The following SPHKAP variants were observed in gnomAD, a reference collection of about 807,000 sequenced individuals.
The protein encoded by SPHKAP is A-kinase anchor protein SPHKAP.
A neutral mutation model predicts 137.5 loss-of-function variants in SPHKAP; 67 were observed. That is an observed-to-expected ratio of 0.49 (90% CI 0.40 to 0.60). The LOEUF (loss-of-function observed/expected upper bound fraction) is 0.60. SPHKAP is among the 20% of genes least tolerant of loss of function. SPHKAP has a pLI of 0.00. For synonymous variants in SPHKAP, 813 were observed against 785.3 expected, an observed-to-expected ratio of 1.04 and a Z score of -0.59; for missense variants, 2,097 against 2,069.3, an observed-to-expected ratio of 1.01 and a Z score of -0.26.
Position 228,018,550 on chromosome 2 carries a change from G to A in SPHKAP, c.2304C>T (p.Ser768=). The part of the protein sequence containing the change: ...ASQAWTKATE[S]SSSSPLSNSH... Reference sequence around the variant, plus strand: ...AATTGCTAAGTGGAGAGCTGCTGGAGGATTCAGTGGCTTTTGTCCAAGCTT... The same window carrying A: ...AATTGCTAAGTGGAGAGCTGCTGGAAGATTCAGTGGCTTTTGTCCAAGCTT... The change falls in exon 7 of 12, where the codon TCC becomes TCT. Residue 768 remains serine (S), a synonymous_variant. Coordinates refer to ENST00000392056, the MANE Select transcript of SPHKAP (RefSeq NM_001142644.2). 1 of 1,613,938 alleles carries A rather than the reference G, an allele frequency of 6.2e-7. No individual in the cohort carries two copies. The highest frequency in any genetic ancestry group is 8.5e-7 in the Non-Finnish European group (1 of 1,179,878).
Position 228,181,493 on chromosome 2 carries a change from G to T in SPHKAP, c.32+74C>A. 6.2e-7 allele frequency: 1 copy of T among 1,609,308 alleles called. No individual in the cohort carries two copies. Among genetic ancestry groups the T allele is most frequent in the South Asian group, 1.1e-5 (1 of 90,960 alleles). On this transcript the variant is annotated intron_variant, in intron 1 of 11. Coordinates refer to ENST00000392056, the MANE Select transcript of SPHKAP (RefSeq NM_001142644.2). This position sits in a 1 kb window ranked among gnomAD's most constrained non-coding sequence, Gnocchi z 4.3. ...TGCAAACCGAAGCGCTCTGGGGCAAGTTGGTGAGCGACTCACAACGCGGAA... is the reference window on the plus strand; with the variant it reads ...TGCAAACCGAAGCGCTCTGGGGCAATTTGGTGAGCGACTCACAACGCGGAA...
chr2:228,015,244 A>G (rs1694533072), intron 7 of SPHKAP, among the ~76,000 whole-genome samples: 1 of 151,992 alleles, frequency 6.6e-6, no homozygotes, highest in Non-Finnish European at 1.5e-5. Context: ...TACAAAGGAC[A>G]TGAACTCATC....
chr2:227,991,410 A>AT lies in SPHKAP; in HGVS notation c.4722-85dup, dbSNP rs1464593962. The AT allele has an allele frequency of 6.2e-6, 10 of 1,604,196 alleles. No homozygotes were observed. In the African/African-American group the frequency reaches 1.1e-4, roughly 17 times the overall value. ...AAAGATGAGGCGATGGGTCTTACTG[A>AT]TCTAAAAGCTTCTGAAGTTCATTCT... On this transcript the variant is annotated intron_variant, in intron 9 of 11. Transcript: ENST00000392056.
chr2:228,063,174 A>ATCTATCTATCTATCTG (rs756046439), intron 3 of SPHKAP, among the ~76,000 whole-genome samples: 183 of 147,276 alleles, frequency 1.2e-3, no homozygotes, highest in East Asian at 2.8e-3. Flanking sequence ...CTATCTATCT[A>ATCTATCTATCTATCTG]TCTGTCTGTC....
intron 3 of SPHKAP, among the ~76,000 whole-genome samples, chr2:228,046,423 C>T (rs1049195039): frequency 2.0e-5 from 3 of 149,190 alleles, no homozygotes; most frequent in South Asian, 2.1e-4. Context: ...ATGGCCTTTA[C>T]GATGCAAGCA....
At chr2:228,063,484 T>A (rs76417057) in intron 3 of SPHKAP, among the ~76,000 whole-genome samples, 2,825 of 152,342 alleles carry the variant, frequency 0.019, 87 homozygotes, top group African/African-American at 0.062. Flanking sequence ...ATAGAGTGGC[T>A]ACATTTTGCA....
At chr2:228,106,346 T>G (rs1246996921) in intron 3 of SPHKAP, among the ~76,000 whole-genome samples, 3 of 150,174 alleles carry the variant, frequency 2.0e-5, no homozygotes, top group Non-Finnish European at 3.0e-5. Context: ...CTAATTTAGG[T>G]CAGGATGAAA....
intron 3 of SPHKAP, among the ~76,000 whole-genome samples, chr2:228,069,449 CT>C (rs11346938): frequency 0.68 from 87,066 of 127,380 alleles, 29,741 homozygotes; most frequent in Middle Eastern, 0.78. Flanking sequence ...TTCTTTCTTT[CT>C]TTTTTTTTTT....
chr2:228,151,698 A>G (rs1304011401), intron 1 of SPHKAP, among the ~76,000 whole-genome samples: 1 of 151,672 alleles, frequency 6.6e-6, no homozygotes, highest in Non-Finnish European at 1.5e-5. Context: ...TAGTGATGGG[A>G]TCTCATTCTG....
chr2:228,077,176 G>T lies in SPHKAP; in HGVS notation c.246+31656C>A, dbSNP rs184447531. ...GATGTATGTTTGCTGTAGGGGCGAG[G>T]TCCTCATGGAGAACCTCTGCTAGGG... On this transcript the variant is annotated intron_variant, in intron 3 of 11. Transcript: ENST00000392056. 6.3e-3 allele frequency among the ~76,000 whole-genome samples: 959 copies of T among 152,294 alleles called. 8 individuals carry two copies. The highest frequency in any genetic ancestry group is 0.014 in the Middle Eastern group (4 of 294).
intron 1 of SPHKAP, among the ~76,000 whole-genome samples, chr2:228,170,750 T>G (rs1478882133): frequency 6.6e-6 from 1 of 152,112 alleles, no homozygotes; most frequent in Non-Finnish European, 1.5e-5. Context: ...CCAAAAAAAT[T>G]TTGTGCCTTA....
rs537225497 is a variant in SPHKAP at position 228,005,777 on chromosome 2, TGTAAA to T, written c.4449-10088_4449-10084del. Among the ~76,000 whole-genome samples the T allele has an allele frequency of 2.2e-4, 33 of 152,338 alleles. No homozygotes were observed. In the East Asian group the frequency reaches 6.4e-3, roughly 29 times the overall value. ...CACAATCTCTCAGCATTTGCTTGTCTGTAAAGTATTTTATTTCTCCTTCACTTATG... is the reference window on the plus strand; with the variant it reads ...CACAATCTCTCAGCATTTGCTTGTCTGTATTTTATTTCTCCTTCACTTATG... On this transcript the variant is annotated intron_variant, in intron 7 of 11. Transcript: ENST00000392056.
intron 7 of SPHKAP, among the ~76,000 whole-genome samples, chr2:228,009,914 T>C (rs1694301936): frequency 6.6e-6 from 1 of 152,226 alleles, no homozygotes; most frequent in South Asian, 2.1e-4. Flanking sequence ...CTTGTGGCAT[T>C]GTCCAGCTTA....
At chr2:228,153,175 C>T (rs1208839860) in intron 1 of SPHKAP, among the ~76,000 whole-genome samples, 1 of 152,136 alleles carries the variant, frequency 6.6e-6, no homozygotes, top group Non-Finnish European at 1.5e-5. Context: ...TCAGGTGTGT[C>T]TTTATCAGCA....
chr2:227,995,018 G>T (rs1693576216), intron 8 of SPHKAP, among the ~76,000 whole-genome samples: 1 of 152,188 alleles, frequency 6.6e-6, no homozygotes, highest in African/African-American at 2.4e-5. Flanking sequence ...TTCCAAATCT[G>T]ATGTCTCTTA....
At chr2:228,020,203 T>C in intron 6 of SPHKAP, 47 bp from the exon 7 acceptor site, 2 of 1,530,116 alleles carry the variant, frequency 1.3e-6, no homozygotes, top group Middle Eastern at 3.6e-4. Context: ...GGATAGCAGG[T>C]TACCATAAGT....
chr2:228,103,454 C>G, intron 3 of SPHKAP, among the ~76,000 whole-genome samples: 1 of 152,126 alleles, frequency 6.6e-6, no homozygotes. Context: ...GGGATGGACA[C>G]GAAAATTCTT....
chr2:228,017,078 G>T lies in SPHKAP; in HGVS notation c.3776C>A (p.Ser1259Tyr). Residue 1259 changes from serine (S) to tyrosine (Y), a missense_variant, in exon 7 of 12, where the codon TCT becomes TAT. Physicochemically the swap from Ser to Tyr is moderately radical, Grantham distance 144. Transcript: ENST00000392056. ...LTVNVPIKAN[S>Y]LDGFAQNCPQ... ...GCAGTTCTGAGCAAAGCCATCTAAA[G>T]AGTTGGCTTTGATGGGCACATTCAC... 1 of 1,614,142 alleles carries T rather than the reference G, an allele frequency of 6.2e-7. No individual in the cohort carries two copies. Among genetic ancestry groups the T allele is most frequent in the Non-Finnish European group, 8.5e-7 (1 of 1,180,028 alleles).
intron 3 of SPHKAP, among the ~76,000 whole-genome samples, chr2:228,037,091 CTACTG>C (rs1194455446): frequency 2.6e-5 from 4 of 152,064 alleles, no homozygotes; most frequent in Non-Finnish European, 2.9e-5. Flanking sequence ...CAGTGGGAAA[CTACTG>C]TACAGTTTCT....
Sources: allele counts gnomAD v4.1 joint callset (sites outside exome capture counted in the v4.1 genomes callset), GRCh38; gene constraint gnomAD v4.1.1; non-coding constraint Gnocchi (gnomAD v3.1); transcripts MANE v1.5; gene names NCBI Gene and HGNC (gene_info 2026-07-23, HGNC 2026-07-21).